Variants in SLC16A9 observed in about 807,000 individuals in gnomAD.
SLC16A9 encodes the protein monocarboxylate transporter 9.
A neutral mutation model predicts 44.3 loss-of-function variants in SLC16A9; 26 were observed. The ratio of observed to expected loss-of-function variants is 0.59; its 90% confidence interval spans 0.43 to 0.81. SLC16A9 has a LOEUF of 0.81. SLC16A9 is among the 40% of genes least tolerant of loss of function. SLC16A9 has a pLI of 0.00. For missense variants in SLC16A9, 559 were observed against 595.8 expected (o/e 0.94, Z 0.64); for synonymous variants, 230 against 225.1 (o/e 1.02, Z -0.19).
chr10:59,699,451 T>G (rs1840473089), intron 1 of SLC16A9, among the ~76,000 whole-genome samples: 1 of 152,190 alleles, frequency 6.6e-6, no homozygotes, highest in Non-Finnish European at 1.5e-5. Flanking sequence ...GCATAAGGAA[T>G]AAGCACACTG....
rs1330500350 is a variant in SLC16A9, at chr10:59,665,008, A to G, written c.341-686T>C. Among the ~76,000 whole-genome samples, 7 of 152,230 alleles carry G rather than the reference A, an allele frequency of 4.6e-5. No homozygotes were observed. The East Asian group carries it at 1.2e-3, about 25-fold the overall frequency. On this transcript the variant is annotated intron_variant, in intron 3 of 5. Coordinates refer to ENST00000395348, the MANE Select transcript of SLC16A9 (RefSeq NM_194298.3). ...TGAGCATATGGTTGTTTGCTATACT[A>G]TTCTCCACTTTTCTGTAAATTTGAA... is the stretch of plus-strand genomic sequence containing the variant.
chr10:59,693,427 T>G (rs1489298197), intron 1 of SLC16A9, among the ~76,000 whole-genome samples: 1 of 152,168 alleles, frequency 6.6e-6, no homozygotes, highest in Non-Finnish European at 1.5e-5. Context: ...AACATCAGTT[T>G]TTAAGGAAAA....
chr10:59,707,427 G>C (rs1002186873), intron 1 of SLC16A9, among the ~76,000 whole-genome samples: 1 of 151,890 alleles, frequency 6.6e-6, no homozygotes, highest in African/African-American at 2.4e-5. Flanking sequence ...CCAGTAGGTA[G>C]GGTTGGGGTG....
At position 59,684,188 on chromosome 10, in the gene SLC16A9, A is replaced by T. The variant is rs749860160; in HGVS notation, c.104T>A (p.Val35Asp). The T allele has an allele frequency of 1.8e-5, 29 of 1,613,938 alleles. No homozygotes were observed. The highest frequency in any genetic ancestry group is 1.8e-5 in the Non-Finnish European group (21 of 1,179,988). Residue 35 changes from valine (V) to aspartate (D), a missense_variant, in exon 2 of 6, where the codon GTC (valine) becomes GAC (aspartate). Coordinates refer to ENST00000395348, the MANE Select transcript of SLC16A9 (RefSeq NM_194298.3). ...LCYGSPLAVGVLYIEWLDAFG... is the reference protein window; with the variant it reads ...LCYGSPLAVGDLYIEWLDAFG... ...GGCATCCAGCCATTCTATGTACAGGACTCCAACAGCTAGTGGGGATCCGTA... is the reference window on the plus strand; with the variant it reads ...GGCATCCAGCCATTCTATGTACAGGTCTCCAACAGCTAGTGGGGATCCGTA...
intron 3 of SLC16A9, among the ~76,000 whole-genome samples, chr10:59,664,917 TCTTTA>T (rs911121139): frequency 2.6e-5 from 4 of 152,194 alleles, no homozygotes; most frequent in African/African-American, 9.7e-5. Flanking sequence ...TGTAGTAATG[TCTTTA>T]CTTTAAAATA....
intron 1 of SLC16A9, among the ~76,000 whole-genome samples, chr10:59,699,929 C>CACAT (rs1441303244): frequency 6.6e-6 from 1 of 151,274 alleles, no homozygotes; most frequent in Admixed American, 6.6e-5. Flanking sequence ...CACACACACA[C>CACAT]ACACACATAC....
chr10:59,673,557 A>G (rs1201582780), intron 2 of SLC16A9, among the ~76,000 whole-genome samples: 1 of 152,246 alleles, frequency 6.6e-6, no homozygotes, highest in Non-Finnish European at 1.5e-5. Flanking sequence ...TCAATGGTAG[A>G]AGAAAGACCA....
At chr10:59,689,961 A>C (rs955689961) in intron 1 of SLC16A9, among the ~76,000 whole-genome samples, 1 of 152,202 alleles carries the variant, frequency 6.6e-6, no homozygotes, top group Non-Finnish European at 1.5e-5. Flanking sequence ...AAAAATTCCA[A>C]ATTAACTAAA....
chr10:59,670,071 T>C (rs1291487863), intron 3 of SLC16A9, among the ~76,000 whole-genome samples: 1 of 152,226 alleles, frequency 6.6e-6, no homozygotes, highest in Non-Finnish European at 1.5e-5. Flanking sequence ...CCCATATAAC[T>C]TTAATTTCTT....
chr10:59,679,514 T>C (rs1839941194), intron 2 of SLC16A9, among the ~76,000 whole-genome samples: 1 of 152,172 alleles, frequency 6.6e-6, no homozygotes, highest in South Asian at 2.1e-4. Context: ...CAGCTACAAT[T>C]ACAAGCAGAA....
intron 3 of SLC16A9, among the ~76,000 whole-genome samples, chr10:59,666,315 GAAA>G (rs1839616761): frequency 7.0e-6 from 1 of 142,414 alleles, no homozygotes; most frequent in Non-Finnish European, 1.5e-5. Flanking sequence ...AAAAAAAAAA[GAAA>G]AGAAAGCAAA....
intron 3 of SLC16A9, among the ~76,000 whole-genome samples, chr10:59,667,852 C>A (rs998122307): frequency 4.6e-5 from 7 of 152,150 alleles, no homozygotes; most frequent in Non-Finnish European, 1.0e-4. Context: ...ATAGTTGTTT[C>A]CCTTTCTTTA....
At chr10:59,690,563 A>G (rs1176076853) in intron 1 of SLC16A9, among the ~76,000 whole-genome samples, 2 of 152,206 alleles carry the variant, frequency 1.3e-5, no homozygotes, top group South Asian at 2.1e-4. Context: ...GAGGAATAAC[A>G]TGAACATACA....
At chr10:59,703,211 T>G (rs974871046) in intron 1 of SLC16A9, among the ~76,000 whole-genome samples, 2 of 152,108 alleles carry the variant, frequency 1.3e-5, no homozygotes, top group Non-Finnish European at 2.9e-5. Context: ...AGCCTTGACC[T>G]CCCAAGCTCA....
intron 3 of SLC16A9, among the ~76,000 whole-genome samples, chr10:59,667,046 T>A (rs548597639): frequency 6.6e-6 from 1 of 151,974 alleles, no homozygotes; most frequent in African/African-American, 2.4e-5. Flanking sequence ...CTCAGCAAAT[T>A]GATATTTTTT....
At chr10:59,658,147 C>T (rs923788883) in intron 4 of SLC16A9, among the ~76,000 whole-genome samples, 6 of 152,192 alleles carry the variant, frequency 3.9e-5, no homozygotes, top group Non-Finnish European at 5.9e-5. Flanking sequence ...GATCTTCAGA[C>T]AATAACTTAA....
At chr10:59,709,270 CA>C (rs1406168281) in intron 1 of SLC16A9, among the ~76,000 whole-genome samples, 2 of 152,142 alleles carry the variant, frequency 1.3e-5, no homozygotes, top group Non-Finnish European at 2.9e-5. Flanking sequence ...TTTGTAGAAG[CA>C]CCCCATCAAA....
intron 2 of SLC16A9, among the ~76,000 whole-genome samples, chr10:59,678,523 C>CTTTTTTT (rs66495364): frequency 1.0e-4 from 8 of 77,202 alleles, no homozygotes; most frequent in South Asian, 6.2e-4. Context: ...TCCTACCAAT[C>CTTTTTTT]TTTTTTTTTT....
chr10:59,675,522 G>C (rs959992048), intron 2 of SLC16A9, among the ~76,000 whole-genome samples: 1 of 152,194 alleles, frequency 6.6e-6, no homozygotes, highest in South Asian at 2.1e-4. Context: ...ACCAGGGGAA[G>C]AGAGTCTCCC....
Sources: gnomAD v4.1 joint callset for allele counts (sites outside exome capture counted in the v4.1 genomes callset) on GRCh38, gnomAD v4.1.1 for gene constraint, MANE v1.5 for transcripts, NCBI Gene and HGNC (gene_info 2026-07-23, HGNC 2026-07-21) for gene names.